ANK2: variants seen among roughly 807,000 people sequenced by gnomAD.
ANK2 encodes ankyrin-2.
Under a neutral mutation model 360.5 loss-of-function variants are expected in ANK2, and 83 were observed. The ratio of observed to expected loss-of-function variants is 0.23; its 90% confidence interval spans 0.19 to 0.28. The LOEUF is 0.28. ANK2 is among the 10% of genes least tolerant of loss of function. The pLI is 1.00. For synonymous variants in ANK2, 1,740 were observed against 1,759.5 expected (o/e 0.99, Z 0.28); for missense variants, 4,201 against 4,795.7 (o/e 0.88, Z 3.66).
chr4:113,287,472 A>T, intron 18 of ANK2, 133 bp from the exon 19 acceptor site: 1 of 742,326 alleles, frequency 1.3e-6, no homozygotes, highest in Non-Finnish European at 2.3e-6. Flanking sequence ...ATATCAGAAG[A>T]TATAGTTTCT....
At chr4:113,099,493 A>C (rs1405691585) in intron 1 of ANK2, among the ~76,000 whole-genome samples, 2 of 152,030 alleles carry the variant, frequency 1.3e-5, no homozygotes, top group African/African-American at 4.8e-5. Flanking sequence ...ACCAAAGGAG[A>C]TCTAAATAAA....
chr4:113,271,540 T>G (rs891508356), intron 14 of ANK2, among the ~76,000 whole-genome samples: 1 of 151,782 alleles, frequency 6.6e-6, no homozygotes, highest in Non-Finnish European at 1.5e-5. Flanking sequence ...ATAACATTGC[T>G]CGAGAATTCA....
chr4:112,899,455 C>A (rs941020460), intron 1 of ANK2, among the ~76,000 whole-genome samples: 3 of 152,020 alleles, frequency 2.0e-5, no homozygotes, highest in African/African-American at 4.8e-5. Context: ...CTCCCTCTGG[C>A]CCCATAAAAA....
chr4:113,222,391 ATTTTTT>A (rs397880062), intron 4 of ANK2, among the ~76,000 whole-genome samples: 3 of 122,476 alleles, frequency 2.4e-5, no homozygotes, highest in Non-Finnish European at 3.3e-5. Flanking sequence ...CTCTGAAACA[ATTTTTT>A]TTTTTTTTTT....
At chr4:112,707,812 A>T in the ANK2 span, among the ~76,000 whole-genome samples, 1 of 152,210 alleles carries the variant, frequency 6.6e-6, no homozygotes, top group South Asian at 2.1e-4. Flanking sequence ...GTTATACAAA[A>T]AATGTGCGTG....
chr4:113,113,726 G>T (rs1363385114), intron 1 of ANK2, among the ~76,000 whole-genome samples: 1 of 152,160 alleles, frequency 6.6e-6, no homozygotes, highest in Non-Finnish European at 1.5e-5. Context: ...CATTTCAATG[G>T]CTGTGAGCTC....
chr4:112,800,777 C>G, the ANK2 span, among the ~76,000 whole-genome samples: 12 of 152,122 alleles, frequency 7.9e-5, no homozygotes, highest in African/African-American at 2.9e-4. Flanking sequence ...GTCTCAGCCT[C>G]CCGAGTAGCT....
intron 1 of ANK2, among the ~76,000 whole-genome samples, chr4:112,854,820 T>C (rs2065938874): frequency 6.6e-6 from 1 of 151,868 alleles, no homozygotes; most frequent in Non-Finnish European, 1.5e-5. Flanking sequence ...AGAAAGGGAA[T>C]GGGAGAAACA....
intron 4 of ANK2, among the ~76,000 whole-genome samples, chr4:113,228,672 T>C (rs946028340): frequency 6.6e-6 from 1 of 152,004 alleles, no homozygotes; most frequent in Admixed American, 6.6e-5. Context: ...CTTTTTTGTA[T>C]AATGACTTCT....
intron 2 of ANK2, among the ~76,000 whole-genome samples, chr4:112,989,511 T>G (rs2046036713): frequency 6.6e-6 from 1 of 152,236 alleles, no homozygotes; most frequent in Admixed American, 6.5e-5. Flanking sequence ...CTGGTGCCTC[T>G]GACAGGTGCA....
intron 2 of ANK2, among the ~76,000 whole-genome samples, chr4:112,907,185 C>T (rs1351447524): frequency 6.6e-6 from 1 of 152,148 alleles, no homozygotes; most frequent in Non-Finnish European, 1.5e-5. Context: ...TAGAGTTAGA[C>T]TGAAAGTGTT....
At chr4:112,908,815 A>G (rs2086135483) in intron 2 of ANK2, among the ~76,000 whole-genome samples, 3 of 152,302 alleles carry the variant, frequency 2.0e-5, no homozygotes, top group Admixed American at 2.0e-4. Flanking sequence ...CTGAAGGTGA[A>G]TCAGCTCAGT....
intron 1 of ANK2, among the ~76,000 whole-genome samples, chr4:112,876,996 T>C (rs928786747): frequency 1.3e-5 from 2 of 152,090 alleles, no homozygotes; most frequent in Admixed American, 1.3e-4. Context: ...TCCTCTCCCT[T>C]CCTCTGAGCA....
At chr4:112,741,279 T>C in the ANK2 span, among the ~76,000 whole-genome samples, 1 of 152,188 alleles carries the variant, frequency 6.6e-6, no homozygotes, top group African/African-American at 2.4e-5. Flanking sequence ...TTAGGTCAAC[T>C]CCCTTTGATT....
chr4:112,860,415 C>T (rs190029625), intron 1 of ANK2, among the ~76,000 whole-genome samples: 15 of 152,004 alleles, frequency 9.9e-5, no homozygotes, highest in Non-Finnish European at 1.8e-4. Flanking sequence ...TTAGTGAAGA[C>T]GGGGTTTCAC....
chr4:113,130,519 C>G (rs1030562959), intron 1 of ANK2, among the ~76,000 whole-genome samples: 13 of 152,148 alleles, frequency 8.5e-5, no homozygotes, highest in African/African-American at 3.1e-4. Context: ...ATTAATGTTA[C>G]ATGCGTGTTC....
At chr4:112,935,066 A>G (rs972093124) in intron 2 of ANK2, among the ~76,000 whole-genome samples, 1 of 151,830 alleles carries the variant, frequency 6.6e-6, no homozygotes, top group Non-Finnish European at 1.5e-5. Context: ...CAAAGCATTC[A>G]CTGTGGCTGG....
At chr4:113,132,348 T>C (rs945779209) in intron 1 of ANK2, among the ~76,000 whole-genome samples, 4 of 152,216 alleles carry the variant, frequency 2.6e-5, no homozygotes. Context: ...GTTTTCAACA[T>C]ATTGAAGTTA....
intron 36 of ANK2, 71 bp downstream of exon 36, chr4:113,348,379 A>C: frequency 6.5e-7 from 1 of 1,529,414 alleles, no homozygotes; most frequent in East Asian, 2.3e-5. Context: ...GCACATAGTT[A>C]ACCTGTGTTC....
Sources: gnomAD v4.1 joint callset for allele counts (sites outside exome capture counted in the v4.1 genomes callset) on GRCh38, gnomAD v4.1.1 for gene constraint, MANE v1.5 for transcripts, NCBI Gene and HGNC (gene_info 2026-07-23, HGNC 2026-07-21) for gene names.